Variants in SLC20A2 observed in about 807,000 individuals in gnomAD.
The protein encoded by SLC20A2 is solute carrier family 20 member 2, also known as sodium-dependent phosphate transporter 2.
A neutral mutation model predicts 61.0 loss-of-function variants in SLC20A2; 30 were observed. The ratio of observed to expected loss-of-function variants is 0.49; its 90% CI spans 0.37 to 0.67. The LOEUF is 0.67. Ranked by LOEUF, SLC20A2 falls within the 30% of genes least tolerant of loss-of-function variation. The probability of loss-of-function intolerance (pLI) is 0.00; values close to 1 mark genes in which losing one functional copy is unlikely to be tolerated. For synonymous variants in SLC20A2, 351 were observed against 353.3 expected, an observed-to-expected ratio of 0.99 and a Z score of 0.07; for missense variants, 626 against 866.4, an observed-to-expected ratio of 0.72 and a Z score of 3.48.
chr8:42,506,706 TC>T (rs2131363618), intron 1 of SLC20A2, among the ~76,000 whole-genome samples: 1 of 152,344 alleles, frequency 6.6e-6, no homozygotes, highest in South Asian at 2.1e-4. Context: ...TGATATGGTC[TC>T]ATGTCCCCAG....
chr8:42,488,434 C>T (rs1322260183), intron 1 of SLC20A2, among the ~76,000 whole-genome samples: 6 of 151,874 alleles, frequency 4.0e-5, no homozygotes, highest in African/African-American at 1.5e-4. Context: ...GTGATCCGCC[C>T]GCCTCAGCCT....
At chr8:42,494,822 A>T (rs898147056) in intron 1 of SLC20A2, among the ~76,000 whole-genome samples, 5 of 152,132 alleles carry the variant, frequency 3.3e-5, no homozygotes, top group Non-Finnish European at 5.9e-5. Context: ...ATAATGAGAC[A>T]AAGTTTATTC....
intron 5 of SLC20A2, among the ~76,000 whole-genome samples, chr8:42,454,592 GA>G (rs1805989086): frequency 6.6e-6 from 1 of 151,418 alleles, no homozygotes; most frequent in African/African-American, 2.4e-5. Context: ...TGCTTCGAGG[GA>G]ATAATGAACT....
intron 1 of SLC20A2, chr8:42,484,962 A>G: frequency 2.9e-6 from 1 of 349,260 alleles, no homozygotes. Flanking sequence ...GCACACGACT[A>G]AGCACAAGGC....
At chr8:42,487,113 C>T (rs1453973652) in intron 1 of SLC20A2, among the ~76,000 whole-genome samples, 2 of 151,904 alleles carry the variant, frequency 1.3e-5, no homozygotes, top group South Asian at 4.2e-4. Flanking sequence ...GATCCACCCA[C>T]CTTGGCCTCC....
chr8:42,502,273 T>C (rs977318681), upstream of SLC20A2: 3 of 152,180 alleles, frequency 2.0e-5, no homozygotes, highest in African/African-American at 7.2e-5. Context: ...TCTTCCGTAT[T>C]AACCACTTAC....
chr8:42,537,124 C>T (rs1210847816), intron 1 of SLC20A2, among the ~76,000 whole-genome samples: 1 of 150,964 alleles, frequency 6.6e-6, no homozygotes, highest in African/African-American at 2.4e-5. Context: ...GGCTCACTGA[C>T]GTACCCAGCA....
chr8:42,430,064 C>G lies in SLC20A2; in HGVS notation c.1709G>C (p.Ser570Thr). The change falls in exon 9 of 11, where the codon AGC (serine) becomes ACC (threonine). Residue 570 changes from serine to threonine, a missense_variant and splice_region_variant. Ser to Thr is a moderately conservative substitution (Grantham distance 58, BLOSUM62 1). Around this residue, in one of 3 missense-constraint regions of SLC20A2, gnomAD observed 138 missense variants for 228.7 expected, o/e 0.60. Coordinates refer to ENST00000520262, the MANE Select transcript of SLC20A2 (RefSeq NM_001257180.2). ...GKDLTPITPSSGFTIELASAF... is the reference protein window; with the variant it reads ...GKDLTPITPSTGFTIELASAF... ...TGCTCGTCCACCAGCCCAGGCTTAC[C>G]TGGACGGCGTGATGGGAGTGAGGTC... 6.2e-7 allele frequency: 1 copy of G among 1,607,870 alleles called. No homozygotes were observed. Among genetic ancestry groups the G allele is most frequent in the South Asian group, 1.1e-5 (1 of 90,032 alleles).
At chr8:42,449,037 C>T (rs1272059344) in intron 5 of SLC20A2, among the ~76,000 whole-genome samples, 2 of 152,198 alleles carry the variant, frequency 1.3e-5, no homozygotes, top group East Asian at 1.9e-4. Context: ...CCAAGGCAAA[C>T]GGTTTTTCTC....
chr8:42,486,107 AACT>A (rs1381645943), intron 1 of SLC20A2, among the ~76,000 whole-genome samples: 4 of 151,692 alleles, frequency 2.6e-5, no homozygotes, highest in African/African-American at 7.3e-5. Flanking sequence ...TTTTATCATT[AACT>A]ACTTAATTAT....
chr8:42,524,959 G>A (rs1811828141), intron 1 of SLC20A2, among the ~76,000 whole-genome samples: 1 of 152,134 alleles, frequency 6.6e-6, no homozygotes, highest in African/African-American at 2.4e-5. Context: ...CACTGCTAAA[G>A]CATGATGATT....
At chr8:42,448,121 C>T (rs1051955788) in intron 5 of SLC20A2, among the ~76,000 whole-genome samples, 1 of 152,228 alleles carries the variant, frequency 6.6e-6, no homozygotes, top group African/African-American at 2.4e-5. Context: ...TCTTTACCAA[C>T]GTCAAACTAA....
intron 10 of SLC20A2, among the ~76,000 whole-genome samples, chr8:42,427,961 G>T (rs796610013): frequency 2.0e-5 from 3 of 152,160 alleles, no homozygotes; most frequent in African/African-American, 7.2e-5. Flanking sequence ...AGTGACTTTC[G>T]CTTTGTTGAG....
At chr8:42,505,425 G>A (rs1810619463), upstream of SLC20A2, among the ~76,000 whole-genome samples, 1 of 152,216 alleles carries the variant, frequency 6.6e-6, no homozygotes, top group East Asian at 1.9e-4. Flanking sequence ...GAGCCACCAT[G>A]CCTGACCCCT....
chr8:42,499,238 T>A (rs1810160470), intron 1 of SLC20A2, among the ~76,000 whole-genome samples: 1 of 152,118 alleles, frequency 6.6e-6, no homozygotes, highest in South Asian at 2.1e-4. Flanking sequence ...AGTGTGTGAC[T>A]CTGCATAGAG....
At chr8:42,504,005 T>C (rs1810481101), upstream of SLC20A2, among the ~76,000 whole-genome samples, 1 of 152,172 alleles carries the variant, frequency 6.6e-6, no homozygotes, top group Non-Finnish European at 1.5e-5. Flanking sequence ...AGTGGCACAA[T>C]CATGGCTCAC....
intron 1 of SLC20A2, among the ~76,000 whole-genome samples, chr8:42,514,045 C>G (rs1186839265): frequency 6.6e-6 from 1 of 152,184 alleles, no homozygotes; most frequent in Non-Finnish European, 1.5e-5. Context: ...GGCCTACAAG[C>G]ACCATGCTAA....
chr8:42,510,785 T>C (rs1810985429), intron 1 of SLC20A2, among the ~76,000 whole-genome samples: 2 of 152,100 alleles, frequency 1.3e-5, no homozygotes, highest in Non-Finnish European at 2.9e-5. Context: ...AGGATCCATC[T>C]ACCTTCTAGG....
chr8:42,487,233 A>G (rs1200389146), intron 1 of SLC20A2, among the ~76,000 whole-genome samples: 1 of 140,952 alleles, frequency 7.1e-6, no homozygotes, highest in African/African-American at 2.7e-5. Context: ...GCTGGAGTGC[A>G]GTGGCGCGAT....
Sources: allele counts gnomAD v4.1 joint callset (sites outside exome capture counted in the v4.1 genomes callset), GRCh38; gene constraint gnomAD v4.1.1; regional missense constraint gnomAD v4.1.1; transcripts MANE v1.5; gene names NCBI Gene and HGNC (gene_info 2026-07-23, HGNC 2026-07-21).